DNAH11: variants seen among roughly 807,000 people sequenced by gnomAD.
DNAH11 encodes the protein dynein axonemal heavy chain 11, also known as axonemal beta dynein heavy chain 11.
Under a neutral mutation model 526.0 loss-of-function variants are expected in DNAH11, and 442 were observed. The ratio of observed to expected loss-of-function variants is 0.84; its 90% CI spans 0.78 to 0.91. DNAH11 has a LOEUF of 0.91. DNAH11 is among the 40% of genes least tolerant of loss of function. The pLI, the probability that DNAH11 is intolerant of heterozygous loss-of-function variation, is 0.00. For missense variants in DNAH11, 6,989 were observed against 5,448.7 expected (o/e 1.28, Z -8.90); for synonymous variants, 2,461 against 1,935.9 (o/e 1.27, Z -7.12).
chr7:21,568,997 C>G (rs1408725603), intron 6 of DNAH11, among the ~76,000 whole-genome samples: 1 of 152,146 alleles, frequency 6.6e-6, no homozygotes, highest in Non-Finnish European at 1.5e-5. Context: ...AATTTTCTAT[C>G]TAACCTGACA....
intron 68 of DNAH11, among the ~76,000 whole-genome samples, chr7:21,859,668 T>C (rs1016105753): frequency 6.6e-6 from 1 of 152,204 alleles, no homozygotes; most frequent in African/African-American, 2.4e-5. Flanking sequence ...CTCTGGTCCC[T>C]ATCATCCAAA....
chr7:21,588,166 G>A lies in DNAH11; in HGVS notation c.1813G>A (p.Val605Met). ...LVHMFNTELDVCKQLYNEHMK... is the reference protein window; with the variant it reads ...LVHMFNTELDMCKQLYNEHMK... ...GCATATGTTTAATACAGAGCTGGAT[G>A]TGTGTAAGCAACTGTATAATGAACA... Residue 605 changes from valine to methionine, a missense_variant, in exon 10 of 82, where the codon GTG (valine) becomes ATG (methionine). Transcript: ENST00000409508. The A allele has an allele frequency of 6.2e-7, 1 of 1,613,310 alleles. No homozygotes were observed. Among genetic ancestry groups the A allele is most frequent in the Admixed American group, 1.7e-5 (1 of 59,924 alleles).
At chr7:21,627,177 T>G (rs1014336202) in intron 25 of DNAH11, among the ~76,000 whole-genome samples, 1 of 152,328 alleles carries the variant, frequency 6.6e-6, no homozygotes, top group African/African-American at 2.4e-5. Context: ...TATTAATCCC[T>G]TATCAGATGA....
Position 21,901,200 on chromosome 7 carries a change from A to G in DNAH11, c.13497A>G (p.Glu4499=). 1 of 1,613,742 alleles carries G rather than the reference A, an allele frequency of 6.2e-7. No individual in the cohort carries two copies. The highest frequency in any genetic ancestry group is 8.5e-7 in the Non-Finnish European group (1 of 1,179,770). Residue 4499 remains glutamate, a synonymous_variant, in exon 82 of 82, where the codon GAA becomes GAG. Transcript: ENST00000409508. The part of the protein sequence containing the change: ...SYIWTFRLKS[E]EKTAKWVLAG... Reference sequence around the variant, plus strand: ...TCTGGACCTTCAGGCTGAAGAGCGAAGAGAAGACTGCAAAATGGGTTCTGG... The same window carrying G: ...TCTGGACCTTCAGGCTGAAGAGCGAGGAGAAGACTGCAAAATGGGTTCTGG...
At chr7:21,832,071 CAGAGTG>C (rs1182294928) in intron 65 of DNAH11, among the ~76,000 whole-genome samples, 4 of 150,932 alleles carry the variant, frequency 2.7e-5, no homozygotes, top group Admixed American at 2.0e-4. Flanking sequence ...GCCTGGGTGA[CAGAGTG>C]AGACTCCATC....
intron 25 of DNAH11, among the ~76,000 whole-genome samples, chr7:21,632,214 G>A (rs1786648950): frequency 6.6e-6 from 1 of 152,202 alleles, no homozygotes; most frequent in Admixed American, 6.5e-5. Flanking sequence ...GGAACCCTGG[G>A]CCTGGCCCAG....
intron 53 of DNAH11, 130 bp downstream of exon 53, chr7:21,749,931 A>C (rs1786339117): frequency 2.9e-6 from 4 of 1,392,684 alleles, no homozygotes; most frequent in Non-Finnish European, 3.9e-6. Context: ...GAAACCTATA[A>C]ACCTAACTAA....
chr7:21,588,303 C>A, intron 10 of DNAH11, 102 bp downstream of exon 10: 1 of 1,417,992 alleles, frequency 7.1e-7, no homozygotes, highest in Admixed American at 2.5e-5. Flanking sequence ...TAGATATAGG[C>A]ACTACATTTT....
At position 21,589,201 on chromosome 7, in the gene DNAH11, C is replaced by T. The variant is rs748743239; in HGVS notation, c.1974-7C>T. On this transcript the variant is annotated splice_region_variant and splice_polypyrimidine_tract_variant and intron_variant, in intron 11 of 81. Coordinates refer to ENST00000409508, the MANE Select transcript of DNAH11 (RefSeq NM_001277115.2). ...TATAAACCAGTAGAAAAACCTTATTCCTACAGATTTTTGGGCAATCCTGAT... is the reference window on the plus strand; with the variant it reads ...TATAAACCAGTAGAAAAACCTTATTTCTACAGATTTTTGGGCAATCCTGAT... The T allele has an allele frequency of 1.3e-6, 2 of 1,586,414 alleles. No homozygotes were observed. Among genetic ancestry groups the T allele is most frequent in the East Asian group, 4.5e-5 (2 of 44,004 alleles).
chr7:21,565,608 G>A (rs1783635707), intron 6 of DNAH11, among the ~76,000 whole-genome samples: 2 of 152,076 alleles, frequency 1.3e-5, no homozygotes, highest in African/African-American at 4.8e-5. Context: ...AGTGGTGTGT[G>A]GGAAAGGCTT....
At chr7:21,728,386 T>C (rs2965377) in intron 45 of DNAH11, among the ~76,000 whole-genome samples, 93,139 of 150,438 alleles carry the variant, frequency 0.62, 29,137 homozygotes, top group South Asian at 0.71. Context: ...GCCTCCCGAG[T>C]AGATGGGACT....
At position 21,683,810 on chromosome 7, in the gene DNAH11, G is replaced by GCTGTCTCA. The variant is rs764827264; in HGVS notation, c.5488_5495dup (p.Gln1832HisfsTer32). 1.2e-6 allele frequency: 2 copies of GCTGTCTCA among 1,610,110 alleles called. No individual in the cohort carries two copies. ...TTGTCAGTCCCCAAGCTTTTACATG[G>GCTGTCTCA]CTGTCTCAACTTCGTCACCGATGGG... On this transcript the variant is annotated frameshift_variant, in exon 32 of 82. Coordinates refer to ENST00000409508, the MANE Select transcript of DNAH11 (RefSeq NM_001277115.2). LOFTEE classifies it high-confidence loss of function.
chr7:21,596,215 A>G (rs1431096301), intron 14 of DNAH11, among the ~76,000 whole-genome samples: 2 of 152,184 alleles, frequency 1.3e-5, no homozygotes, highest in Non-Finnish European at 2.9e-5. Flanking sequence ...CAAGGCTGCC[A>G]TGACAAGGTC....
At chr7:21,837,045 T>C (rs1782022820) in intron 65 of DNAH11, among the ~76,000 whole-genome samples, 1 of 151,808 alleles carries the variant, frequency 6.6e-6, no homozygotes. Context: ...TAATGAAATA[T>C]CATTTCACCC....
At position 21,699,575 on chromosome 7, in the gene DNAH11, T is replaced by C. The variant is rs190311692; in HGVS notation, c.6180+1362T>C. The stretch of plus-strand genomic sequence containing the variant: ...GGCAAAATATGGAATATGAGAGTGA[T>C]TTATGTTGTCCTTTTAGTAACTGTG... On this transcript the variant is annotated intron_variant, in intron 36 of 81. Coordinates refer to ENST00000409508, the MANE Select transcript of DNAH11 (RefSeq NM_001277115.2). Among the ~76,000 whole-genome samples the C allele has an allele frequency of 2.3e-3, 350 of 152,320 alleles. 1 individual carries two copies. Among genetic ancestry groups the C allele is most frequent in the African/African-American group, 8.1e-3 (337 of 41,582 alleles).
Position 21,900,074 on chromosome 7 carries a change from A to G in DNAH11, c.13257A>G (p.Gly4419=), listed in dbSNP as rs200445638. The change falls in exon 81 of 82, where the codon GGA becomes GGG. Residue 4419 remains glycine, a synonymous_variant. Transcript: ENST00000409508. ...CCAAAAAAACAAAGGAAGATTATGG[A>G]CACCCGCCAAGGGAAGGTGCATACC... ...DVTKKTKEDY[G]HPPREGAYLH... 1.4e-3 allele frequency: 2,331 copies of G among 1,613,942 alleles called. 6 individuals carry two copies. Among genetic ancestry groups the G allele is most frequent in the Non-Finnish European group, 1.7e-3 (1,960 of 1,179,854 alleles).
chr7:21,781,166 G>A (rs987243715), intron 57 of DNAH11, among the ~76,000 whole-genome samples: 1 of 152,122 alleles, frequency 6.6e-6, no homozygotes, highest in South Asian at 2.1e-4. Flanking sequence ...GACTGTTTCT[G>A]GTCCTATGAA....
chr7:21,642,860 T>C (rs1326848789), intron 28 of DNAH11, among the ~76,000 whole-genome samples: 4 of 152,032 alleles, frequency 2.6e-5, no homozygotes, highest in East Asian at 1.9e-4. Context: ...CAGTTTAAGA[T>C]ACAAGAGTTG....
chr7:21,582,249 A>G (rs1012928783), intron 9 of DNAH11, among the ~76,000 whole-genome samples: 5 of 152,188 alleles, frequency 3.3e-5, no homozygotes, highest in African/African-American at 1.2e-4. Context: ...TCTTGCATTC[A>G]CAGTGTTTTA....
Sources: allele counts gnomAD v4.1 joint callset (sites outside exome capture counted in the v4.1 genomes callset), GRCh38; gene constraint gnomAD v4.1.1; transcripts MANE v1.5; gene names NCBI Gene and HGNC (gene_info 2026-07-23, HGNC 2026-07-21).